Variants in NPLOC4 observed in about 807,000 individuals in gnomAD.
NPLOC4 encodes the protein NPL4 homolog, ubiquitin recognition factor.
A neutral mutation model predicts 80.6 loss-of-function variants in NPLOC4; 18 were observed. That is an observed-to-expected ratio of 0.22 (90% CI 0.15 to 0.33). The LOEUF (loss-of-function observed/expected upper bound fraction) is 0.33. NPLOC4 is among the 10% of genes least tolerant of loss of function. The pLI, the probability that NPLOC4 is intolerant of heterozygous loss-of-function variation, is 1.00. For synonymous variants in NPLOC4, 313 were observed against 301.5 expected (o/e 1.04, Z -0.39); for missense variants, 540 against 786.1 (o/e 0.69, Z 3.74).
chr17:81,635,684 GGT>G (rs1454164606), intron 1 of NPLOC4, among the ~76,000 whole-genome samples: 1 of 152,128 alleles, frequency 6.6e-6, no homozygotes, highest in Non-Finnish European at 1.5e-5. Context: ...TGGGATTACA[GGT>G]GTGAGTCACC....
At chr17:81,599,727 C>A (rs1361118301) in intron 9 of NPLOC4, among the ~76,000 whole-genome samples, 2 of 152,190 alleles carry the variant, frequency 1.3e-5, no homozygotes, top group South Asian at 2.1e-4. Flanking sequence ...TTCCTGGGAA[C>A]TGTATCAATG....
chr17:81,590,130 C>T (rs557683476), intron 11 of NPLOC4, among the ~76,000 whole-genome samples: 1 of 152,312 alleles, frequency 6.6e-6, no homozygotes, highest in African/African-American at 2.4e-5. Flanking sequence ...CCTACACGGC[C>T]GCCACACAGA....
rs990672329 is a variant in NPLOC4, at chr17:81,567,099, T to C, written c.1566+318A>G. 2 of 313,976 alleles carry C rather than the reference T, an allele frequency of 6.4e-6. No homozygotes were observed. Among genetic ancestry groups the C allele is most frequent in the Non-Finnish European group, 1.2e-5 (2 of 165,732 alleles). 19.4% of individuals were successfully genotyped at this position (313,976 alleles called of 1,614,324 possible). On this transcript the variant is annotated intron_variant, in intron 15 of 16. Coordinates refer to ENST00000331134, the MANE Select transcript of NPLOC4 (RefSeq NM_017921.4). This position sits in a 1 kb window ranked among gnomAD's most constrained non-coding sequence, Gnocchi z 4.5. ...AGGAATTTTTTAAACTGTCTAACTC[T>C]AATGCTGGAGGCAGAGCTAAATCAC...
At chr17:81,597,157 A>G in intron 10 of NPLOC4, 88 bp downstream of exon 10, 1 of 875,366 alleles carries the variant, frequency 1.1e-6, no homozygotes, top group East Asian at 2.5e-5. Flanking sequence ...AGCTAGAACC[A>G]GCGGTGCAAA....
At chr17:81,571,252 A>G (rs9904579) in intron 13 of NPLOC4, among the ~76,000 whole-genome samples, 22,555 of 152,164 alleles carry the variant, frequency 0.15, 1,997 homozygotes, top group Admixed American at 0.23. Context: ...GCGTGGCAGC[A>G]GCATAGGAAA....
At chr17:81,589,213 T>C in intron 11 of NPLOC4, 109 bp from the exon 12 acceptor site, 1 of 967,036 alleles carries the variant, frequency 1.0e-6, no homozygotes, top group Non-Finnish European at 1.5e-6. Flanking sequence ...CCTCAAGAGT[T>C]TGTCGGGGGT....
At chr17:81,625,864 G>A (rs1298171552) in intron 2 of NPLOC4, among the ~76,000 whole-genome samples, 7 of 152,022 alleles carry the variant, frequency 4.6e-5, no homozygotes, top group Admixed American at 4.6e-4. Flanking sequence ...AGAAAAAAAT[G>A]AGGGTTGGGC....
chr17:81,573,328 C>G (rs968032607), intron 12 of NPLOC4, among the ~76,000 whole-genome samples: 3 of 152,194 alleles, frequency 2.0e-5, no homozygotes, highest in African/African-American at 7.2e-5. Context: ...GAGGCCACCC[C>G]CATCACAACC....
chr17:81,596,376 G>A, intron 10 of NPLOC4, 134 bp from the exon 11 acceptor site: 3 of 1,001,954 alleles, frequency 3.0e-6, no homozygotes, highest in Non-Finnish European at 4.3e-6. Flanking sequence ...GAGAGGTGGA[G>A]GCGGGAGGTC....
chr17:81,616,819 C>T (rs2035506738), intron 3 of NPLOC4, among the ~76,000 whole-genome samples: 1 of 151,928 alleles, frequency 6.6e-6, no homozygotes, highest in Non-Finnish European at 1.5e-5. Context: ...AAGACTCAGA[C>T]ACAGAAATTA....
chr17:81,618,020 C>A (rs2035548911), intron 3 of NPLOC4, among the ~76,000 whole-genome samples: 1 of 152,202 alleles, frequency 6.6e-6, no homozygotes, highest in Admixed American at 6.5e-5. Context: ...CCTCTACCTC[C>A]CAGCCGCCTG....
At chr17:81,594,334 T>C (rs139547041) in intron 11 of NPLOC4, among the ~76,000 whole-genome samples, 4 of 142,266 alleles carry the variant, frequency 2.8e-5, no homozygotes, top group African/African-American at 1.0e-4. Context: ...TGTAAAATAG[T>C]TAACATGTAT....
In NPLOC4 at chr17:81,613,494, C is replaced by T; in HGVS notation, c.210G>A (p.Lys70=). The part of the protein sequence containing the change: ...SNKSLNLLKI[K]HGDLLFLFPS... ...GAAACAGGAACAACAAATCGCCATG[C>T]CTGTTCAAATGATAAACAGAGGCTG... Residue 70 remains lysine (K), a splice_region_variant and synonymous_variant, in exon 4 of 17, where the codon AAG becomes AAA. Transcript: ENST00000331134. 1 of 1,612,076 alleles carries T rather than the reference C, an allele frequency of 6.2e-7. No individual in the cohort carries two copies. Among genetic ancestry groups the T allele is most frequent in the Non-Finnish European group, 8.5e-7 (1 of 1,179,080 alleles).
At chr17:81,578,954 T>C (rs2034369465) in intron 12 of NPLOC4, among the ~76,000 whole-genome samples, 1 of 152,276 alleles carries the variant, frequency 6.6e-6, no homozygotes, top group African/African-American at 2.4e-5. Context: ...AGGGTCTCAC[T>C]ATGTTGCCCA....
intron 8 of NPLOC4, among the ~76,000 whole-genome samples, chr17:81,601,488 T>C (rs1264876579): frequency 1.3e-5 from 2 of 152,238 alleles, no homozygotes. Context: ...CTTGAACTCC[T>C]GGCCTCAAGT....
chr17:81,564,042 C>T (rs1415340917), intron 16 of NPLOC4: 1 of 408,992 alleles, frequency 2.4e-6, no homozygotes, highest in Admixed American at 2.7e-5. Flanking sequence ...GATTGCGCCA[C>T]TGCACTCCAG....
rs2034052139 is a variant in NPLOC4 at position 81,567,821 on chromosome 17, C to T, written c.1450-288G>A. On this transcript the variant is annotated intron_variant, in intron 14 of 16. Coordinates refer to ENST00000331134, the MANE Select transcript of NPLOC4 (RefSeq NM_017921.4). The surrounding 1 kb of genome is among the most constrained non-coding windows in gnomAD (Gnocchi z 4.5). ...GACTGGCCAGGTGTGGAGGCTAACA[C>T]AGTAATTCCAGCACTTTTTAGGAGG... 6.7e-6 allele frequency: 2 copies of T among 297,852 alleles called. No individual in the cohort carries two copies. Among genetic ancestry groups the T allele is most frequent in the Admixed American group, 4.8e-5 (1 of 20,924 alleles). 18.5% of individuals were successfully genotyped at this position (297,852 alleles called of 1,614,324 possible). A position where few individuals can be genotyped will look rare whatever the true frequency, so the allele number is the denominator to read the frequency against.
At chr17:81,630,111 TAAAAC>T (rs1392932421) in intron 1 of NPLOC4, among the ~76,000 whole-genome samples, 2 of 151,566 alleles carry the variant, frequency 1.3e-5, no homozygotes, top group African/African-American at 4.9e-5. Context: ...TCTTCAGACT[TAAAAC>T]AGAGAAAAAC....
intron 3 of NPLOC4, among the ~76,000 whole-genome samples, chr17:81,619,448 C>T (rs550473770): frequency 1.1e-3 from 173 of 150,482 alleles, no homozygotes; most frequent in African/African-American, 3.9e-3. Context: ...ACTCGGGAGG[C>T]TAAGGCAGGA....
Sources: gnomAD v4.1 joint callset for allele counts (sites outside exome capture counted in the v4.1 genomes callset) on GRCh38, gnomAD v4.1.1 for gene constraint, Gnocchi (gnomAD v3.1) non-coding constraint, MANE v1.5 for transcripts, NCBI Gene and HGNC (gene_info 2026-07-23, HGNC 2026-07-21) for gene names.